The following LCMT1 variants were observed in gnomAD, a reference collection of about 807,000 sequenced individuals.
LCMT1 encodes the protein [Phosphatase 2A protein]-leucine-carboxy methyltransferase 1.
A neutral mutation model predicts 47.7 loss-of-function variants in LCMT1; 32 were observed. That is an observed-to-expected ratio of 0.67 (90% CI 0.51 to 0.90). The LOEUF is 0.90. LCMT1 is among the 40% of genes least tolerant of loss of function. LCMT1 has a pLI of 0.00. For missense variants in LCMT1, 375 were observed against 415.2 expected, an observed-to-expected ratio of 0.90 and a Z score of 0.84; for synonymous variants, 152 against 149.7, an observed-to-expected ratio of 1.02 and a Z score of -0.11.
intron 5 of LCMT1, among the ~76,000 whole-genome samples, chr16:25,152,275 G>A (rs1234350918): frequency 6.6e-6 from 1 of 152,288 alleles, no homozygotes; most frequent in African/African-American, 2.4e-5. Context: ...TTGCTGTTTA[G>A]CCCTTAGGGA....
chr16:25,140,574 T>C, intron 4 of LCMT1: 1 of 292,146 alleles, frequency 3.4e-6, no homozygotes. Context: ...GCACAAGGAC[T>C]GTCTTGTTGG....
chr16:25,119,269 C>CAGACAAGA (rs1959894508), intron 1 of LCMT1, among the ~76,000 whole-genome samples: 1 of 151,998 alleles, frequency 6.6e-6, no homozygotes, highest in African/African-American at 2.4e-5. Flanking sequence ...CTGACACTCA[C>CAGACAAGA]AGACAAGATC....
chr16:25,120,102 G>A (rs912804553), intron 1 of LCMT1, among the ~76,000 whole-genome samples: 1 of 151,716 alleles, frequency 6.6e-6, no homozygotes, highest in African/African-American at 2.4e-5. Flanking sequence ...GGAGGTTGCA[G>A]TGAGCCAAGA....
At chr16:25,130,068 T>A (rs762473589) in intron 2 of LCMT1, among the ~76,000 whole-genome samples, 1 of 152,112 alleles carries the variant, frequency 6.6e-6, no homozygotes, top group Non-Finnish European at 1.5e-5. Context: ...GGGCTGGACG[T>A]GATGGCTCAC....
rs900123001 is a variant in LCMT1, at chr16:25,114,833, G to A, written c.113+2837G>A. 7.2e-5 allele frequency among the ~76,000 whole-genome samples: 11 copies of A among 152,142 alleles called. No homozygotes were observed. The East Asian group carries it at 1.4e-3, about 19-fold the overall frequency. On this transcript the variant is annotated intron_variant, in intron 1 of 10. Coordinates refer to ENST00000399069, the MANE Select transcript of LCMT1 (RefSeq NM_016309.3). ...TTGTGTCCTCCTGTGTGTCTCCCGC[G>A]TCTCATTCCATGGAGAGCCTTCCTG...
chr16:25,147,050 G>A (rs1960880942), intron 4 of LCMT1: 1 of 152,132 alleles, frequency 6.6e-6, no homozygotes, highest in Non-Finnish European at 1.5e-5. Flanking sequence ...ATATTCCTTA[G>A]CCTTTCCAAA....
intron 4 of LCMT1, among the ~76,000 whole-genome samples, chr16:25,150,338 T>G (rs1302334681): frequency 2.2e-5 from 3 of 135,784 alleles, no homozygotes; most frequent in South Asian, 2.5e-4. Flanking sequence ...TTCTGGTTTT[T>G]TTTTTTTTTT....
chr16:25,119,436 T>C (rs1463884613), intron 1 of LCMT1, among the ~76,000 whole-genome samples: 1 of 152,132 alleles, frequency 6.6e-6, no homozygotes, highest in Non-Finnish European at 1.5e-5. Context: ...ATGAGCTGTA[T>C]TTGTCAGCTT....
rs748004319 is a variant in LCMT1, at chr16:25,124,807, G to A, written c.114-3668G>A. Among the ~76,000 whole-genome samples, 48 of 152,316 alleles carry A rather than the reference G, an allele frequency of 3.2e-4. 1 individual carries two copies. The highest frequency in any genetic ancestry group is 1.0e-3 in the South Asian group (5 of 4,828). ...TGGTTGGACCAGATCTGTCTTTCCCGTGGGAGGAAAGTGAGATGATTTTAG... is the reference window on the plus strand; with the variant it reads ...TGGTTGGACCAGATCTGTCTTTCCCATGGGAGGAAAGTGAGATGATTTTAG... On this transcript the variant is annotated intron_variant, in intron 1 of 10. Transcript: ENST00000399069.
intron 1 of LCMT1, among the ~76,000 whole-genome samples, chr16:25,119,282 G>C (rs1372563527): frequency 6.6e-6 from 1 of 152,022 alleles, no homozygotes; most frequent in Non-Finnish European, 1.5e-5. Flanking sequence ...ACAAGATCTA[G>C]CTTCTGTTAA....
chr16:25,148,085 A>T (rs756931008), intron 4 of LCMT1: 11 of 152,312 alleles, frequency 7.2e-5, no homozygotes, highest in Non-Finnish European at 1.6e-4. Flanking sequence ...ACGAAAAGAG[A>T]GTTGGCTCCC....
At chr16:25,155,845 T>C (rs536984986) in intron 5 of LCMT1, among the ~76,000 whole-genome samples, 1 of 152,132 alleles carries the variant, frequency 6.6e-6, no homozygotes, top group East Asian at 1.9e-4. Context: ...CACACACAGA[T>C]GATTTTAAAT....
At chr16:25,159,999 T>C (rs1442225850) in intron 5 of LCMT1, among the ~76,000 whole-genome samples, 1 of 151,276 alleles carries the variant, frequency 6.6e-6, no homozygotes, top group African/African-American at 2.4e-5. Flanking sequence ...GGAGCCTCAC[T>C]CTGTCGCCCA....
intron 5 of LCMT1, among the ~76,000 whole-genome samples, chr16:25,154,754 C>T (rs996762887): frequency 1.3e-5 from 2 of 151,982 alleles, no homozygotes; most frequent in East Asian, 1.9e-4. Flanking sequence ...TCCCAAAGTG[C>T]GGGATTATAG....
intron 5 of LCMT1, among the ~76,000 whole-genome samples, chr16:25,154,797 T>C (rs1010722731): frequency 6.6e-6 from 1 of 152,192 alleles, no homozygotes; most frequent in Non-Finnish European, 1.5e-5. Flanking sequence ...AGATGTGTTC[T>C]TTGATAAAGG....
chr16:25,124,971 T>C (rs1350172136), intron 1 of LCMT1, among the ~76,000 whole-genome samples: 14 of 152,224 alleles, frequency 9.2e-5, no homozygotes, highest in Admixed American at 9.2e-4. Flanking sequence ...ACAGGTGGCA[T>C]GTGAATGTCA....
At chr16:25,170,569 G>A (rs1051966612) in intron 8 of LCMT1, 145 bp from the exon 9 acceptor site, 18 of 606,760 alleles carry the variant, frequency 3.0e-5, no homozygotes, top group African/African-American at 2.6e-4. Flanking sequence ...GGTCAAGGCT[G>A]CAGTGAGCTG....
chr16:25,128,283 C>T lies in LCMT1; in HGVS notation c.114-192C>T, dbSNP rs568680071. ...GTGGAAAATGTGATGGGTGGTGTAACGTGAACATAAAGATGAATGGATGGC... is the reference window on the plus strand; with the variant it reads ...GTGGAAAATGTGATGGGTGGTGTAATGTGAACATAAAGATGAATGGATGGC... On this transcript the variant is annotated intron_variant, in intron 1 of 10. Coordinates refer to ENST00000399069, the MANE Select transcript of LCMT1 (RefSeq NM_016309.3). Among the ~76,000 whole-genome samples, 266 of 152,282 alleles carry T rather than the reference C, an allele frequency of 1.7e-3. 1 individual carries two copies. Among genetic ancestry groups the T allele is most frequent in the Middle Eastern group, 6.8e-3 (2 of 294 alleles).
Position 25,140,298 on chromosome 16 carries a change from GCT to G in LCMT1, c.404+55_404+56del, listed in dbSNP as rs1960645246. 4.5e-6 allele frequency: 6 copies of G among 1,328,152 alleles called. No individual in the cohort carries two copies. The African/African-American group carries it at 5.8e-5, about 13-fold the overall frequency. 82.3% of individuals were successfully genotyped at this position (1,328,152 alleles called of 1,614,324 possible). A position where few individuals can be genotyped will look rare whatever the true frequency, so the allele number is the denominator to read the frequency against. The stretch of plus-strand genomic sequence containing the variant: ...AAAAGCCAGCGAGAATTCAGATCCA[GCT>G]CTCAAGAGATGGCAGATCTGAATGC... On this transcript the variant is annotated intron_variant, in intron 4 of 10. Transcript: ENST00000399069.
Sources: gnomAD v4.1 joint callset for allele counts (sites outside exome capture counted in the v4.1 genomes callset) on GRCh38, gnomAD v4.1.1 for gene constraint, MANE v1.5 for transcripts, NCBI Gene and HGNC (gene_info 2026-07-23, HGNC 2026-07-21) for gene names.